The following MAP3K1 variants were observed in gnomAD, a reference collection of about 807,000 sequenced individuals.
The protein encoded by MAP3K1 is mitogen-activated protein kinase kinase kinase 1.
MAP3K1 carries 36 observed loss-of-function variants against 144.2 expected under a neutral mutation model. That is an observed-to-expected ratio of 0.25 (90% CI 0.19 to 0.33). The LOEUF (loss-of-function observed/expected upper bound fraction) is 0.33. Ranked by LOEUF, MAP3K1 falls within the 10% of genes least tolerant of loss-of-function variation. The pLI is 1.00. For missense variants in MAP3K1, 1,650 were observed against 1,881.9 expected (o/e 0.88, Z 2.28); for synonymous variants, 718 against 688.7 (o/e 1.04, Z -0.67).
At chr5:56,854,432 CAAAAAAAAAA>C (rs10647091) in intron 1 of MAP3K1, among the ~76,000 whole-genome samples, 2 of 85,324 alleles carry the variant, frequency 2.3e-5, no homozygotes, top group Non-Finnish European at 2.2e-5. Context: ...AACTCCATCT[CAAAAAAAAAA>C]AAAAAAAAGA....
At chr5:56,891,667 T>G (rs1748554099) in intron 19 of MAP3K1, among the ~76,000 whole-genome samples, 1 of 152,230 alleles carries the variant, frequency 6.6e-6, no homozygotes, top group African/African-American at 2.4e-5. Flanking sequence ...TTTTTATGGT[T>G]TTAGGTCTAA....
At chr5:56,887,770 T>C in intron 18 of MAP3K1, 1 of 506,052 alleles carries the variant, frequency 2.0e-6, no homozygotes, top group South Asian at 2.1e-5. Context: ...CTGGGGTAAT[T>C]TATAGCAGTT....
Position 56,824,122 on chromosome 5 carries a change from A to G in MAP3K1, c.482+8067A>G, listed in dbSNP as rs1746237896. 2.0e-5 allele frequency among the ~76,000 whole-genome samples: 3 copies of G among 152,374 alleles called. No homozygotes were observed. The South Asian group carries it at 6.2e-4, about 32-fold the overall frequency. On this transcript the variant is annotated intron_variant, in intron 1 of 19. Coordinates refer to ENST00000399503, the MANE Select transcript of MAP3K1 (RefSeq NM_005921.2). ...AGTTCACATTTCCATTGAAGAAAAT[A>G]TTTGTTAGGCAAGTACTCCATGAGA...
At chr5:56,822,170 T>A (rs1472551624) in intron 1 of MAP3K1, among the ~76,000 whole-genome samples, 1 of 152,116 alleles carries the variant, frequency 6.6e-6, no homozygotes, top group Non-Finnish European at 1.5e-5. Flanking sequence ...ATTACAGGCA[T>A]GCCCCACTAT....
chr5:56,894,283 G>A lies in MAP3K1; in HGVS notation c.*603G>A, dbSNP rs938979339. The A allele has an allele frequency of 1.3e-5, 3 of 231,566 alleles. No individual in the cohort carries two copies. Among genetic ancestry groups the A allele is most frequent in the East Asian group, 1.2e-4 (2 of 16,448 alleles). The allele number at this position is 231,566 out of a possible 1,614,324, so 14.3% of individuals were successfully genotyped here. A position where few individuals can be genotyped will look rare whatever the true frequency, so the allele number is the denominator to read the frequency against. On this transcript the variant is annotated 3_prime_UTR_variant, in exon 20 of 20. Transcript: ENST00000399503. Reference sequence around the variant, plus strand: ...ATTTTACTGTTGGCCCATTCATTTCGTTTTTGGAAATTATGGTTTTGTATT... The same window carrying A: ...ATTTTACTGTTGGCCCATTCATTTCATTTTTGGAAATTATGGTTTTGTATT...
chr5:56,858,201 G>A (rs1454704586), intron 2 of MAP3K1, among the ~76,000 whole-genome samples: 1 of 152,216 alleles, frequency 6.6e-6, no homozygotes, highest in Admixed American at 6.5e-5. Flanking sequence ...AAGTTTGAAT[G>A]TGCTGCTTTC....
At chr5:56,816,970 C>T (rs550470755) in intron 1 of MAP3K1, 29 of 576,378 alleles carry the variant, frequency 5.0e-5, no homozygotes, top group Middle Eastern at 1.7e-3. Context: ...GCAGCCCCTC[C>T]GGCTTGGCCC....
At chr5:56,871,070 T>G (rs1052876935) in intron 6 of MAP3K1, among the ~76,000 whole-genome samples, 5 of 152,208 alleles carry the variant, frequency 3.3e-5, no homozygotes, top group Non-Finnish European at 5.9e-5. Context: ...AGTATTTTTC[T>G]AACTGATTTT....
At chr5:56,822,122 G>A (rs1291238523) in intron 1 of MAP3K1, among the ~76,000 whole-genome samples, 1 of 152,116 alleles carries the variant, frequency 6.6e-6, no homozygotes, top group Non-Finnish European at 1.5e-5. Context: ...CTAGGTTCAA[G>A]CAATTCTCCT....
intron 3 of MAP3K1, among the ~76,000 whole-genome samples, chr5:56,860,333 A>G (rs936442817): frequency 4.5e-4 from 69 of 152,198 alleles, no homozygotes; most frequent in African/African-American, 1.6e-3. Flanking sequence ...TGCCTTTGTA[A>G]TATTGTGTGT....
chr5:56,843,557 T>A (rs1275004212), intron 1 of MAP3K1, among the ~76,000 whole-genome samples: 1 of 152,208 alleles, frequency 6.6e-6, no homozygotes, highest in Non-Finnish European at 1.5e-5. Flanking sequence ...TGGTTTCTCA[T>A]GGCTTTTTTG....
In MAP3K1 at chr5:56,884,726, G is replaced by T; in HGVS notation, c.3882G>T (p.Glu1294Asp). The T allele has an allele frequency of 6.2e-7, 1 of 1,613,834 alleles. No individual in the cohort carries two copies. Among genetic ancestry groups the T allele is most frequent in the Non-Finnish European group, 8.5e-7 (1 of 1,179,842 alleles). ...QEEVVEALREEIRMMSHLNHP... is the reference protein window; with the variant it reads ...QEEVVEALREDIRMMSHLNHP... Reference sequence around the variant, plus strand: ...AAGTAGTAGAAGCACTAAGAGAAGAGATAAGAATGATGAGCCATCTGAATC... The same window carrying T: ...AAGTAGTAGAAGCACTAAGAGAAGATATAAGAATGATGAGCCATCTGAATC... The change falls in exon 16 of 20, where the codon GAG (glutamate) becomes GAT (aspartate). Residue 1294 changes from glutamate to aspartate, a missense_variant. By Grantham distance (45) the Glu-to-Asp change is conservative. This residue lies in a region of MAP3K1 where 165 missense variants were observed against 322.9 expected (regional missense o/e 0.51). Transcript: ENST00000399503.
intron 3 of MAP3K1, among the ~76,000 whole-genome samples, chr5:56,860,869 A>G (rs969165968): frequency 5.4e-5 from 8 of 148,942 alleles, no homozygotes; most frequent in African/African-American, 2.0e-4. Context: ...AAAAAGAAAA[A>G]AAGAAAAGCA....
chr5:56,836,362 G>A (rs187973248), intron 1 of MAP3K1, among the ~76,000 whole-genome samples: 1 of 152,256 alleles, frequency 6.6e-6, no homozygotes, highest in East Asian at 1.9e-4. Context: ...TGACATGGGT[G>A]TGGCAGTGCA....
intron 1 of MAP3K1, among the ~76,000 whole-genome samples, chr5:56,825,746 A>G (rs1746292682): frequency 6.6e-6 from 1 of 152,180 alleles, no homozygotes; most frequent in Admixed American, 6.5e-5. Flanking sequence ...CTGAGAATCC[A>G]TCCAACTTCC....
At chr5:56,864,518 G>C (rs1466288023) in intron 3 of MAP3K1, among the ~76,000 whole-genome samples, 2 of 151,952 alleles carry the variant, frequency 1.3e-5, no homozygotes, top group African/African-American at 4.8e-5. Flanking sequence ...GGGATTACAG[G>C]CATGTGCCAT....
chr5:56,864,941 T>C lies in MAP3K1; in HGVS notation c.1035+7T>C. On this transcript the variant is annotated splice_region_variant and intron_variant, in intron 4 of 19. Transcript: ENST00000399503. ...GGTGTTTATTGGGCCTCAGGTAGGATTCGTCACCATTTTATACTTTATTAG... is the reference window on the plus strand; with the variant it reads ...GGTGTTTATTGGGCCTCAGGTAGGACTCGTCACCATTTTATACTTTATTAG... The C allele has an allele frequency of 6.2e-7, 1 of 1,613,592 alleles. No homozygotes were observed. Among genetic ancestry groups the C allele is most frequent in the Non-Finnish European group, 8.5e-7 (1 of 1,179,626 alleles).
chr5:56,858,354 ATT>A (rs1283019607), intron 2 of MAP3K1, among the ~76,000 whole-genome samples: 1 of 152,182 alleles, frequency 6.6e-6, no homozygotes, highest in Non-Finnish European at 1.5e-5. Context: ...CTAAAACAAA[ATT>A]TTGGTTTTTA....
intron 1 of MAP3K1, among the ~76,000 whole-genome samples, chr5:56,840,216 C>G (rs1041147070): frequency 2.4e-4 from 36 of 152,160 alleles, no homozygotes; most frequent in Admixed American, 3.3e-4. Flanking sequence ...GCCCTGATCT[C>G]GGCTCACTGC....
Sources: gnomAD v4.1 joint callset for allele counts (sites outside exome capture counted in the v4.1 genomes callset) on GRCh38, gnomAD v4.1.1 for gene constraint, gnomAD v4.1.1 regional missense constraint, MANE v1.5 for transcripts, NCBI Gene and HGNC (gene_info 2026-07-23, HGNC 2026-07-21) for gene names.